SLC37A2: variants seen among roughly 807,000 people sequenced by gnomAD.
SLC37A2 encodes the protein solute carrier family 37 member 2, also known as glucose-6-phosphate exchanger SLC37A2.
A neutral mutation model predicts 70.7 loss-of-function variants in SLC37A2; 59 were observed. That is an observed-to-expected ratio of 0.83 (90% CI 0.68 to 1.04). The LOEUF (loss-of-function observed/expected upper bound fraction) is 1.04. Ranked by LOEUF, SLC37A2 falls within the 50% of genes least tolerant of loss-of-function variation. SLC37A2 has a pLI of 0.00. For synonymous variants in SLC37A2, 257 were observed against 262.1 expected (o/e 0.98, Z 0.19); for missense variants, 580 against 658.1 (o/e 0.88, Z 1.30).
intron 12 of SLC37A2, among the ~76,000 whole-genome samples, 176 bp downstream of exon 12, chr11:125,084,495 A>T (rs1949183102): frequency 6.6e-6 from 1 of 152,254 alleles, no homozygotes; most frequent in South Asian, 2.1e-4. Context: ...GCACCTTGGA[A>T]AAAGAGCCAG....
At chr11:125,068,819 G>A (rs769639311) in intron 1 of SLC37A2, among the ~76,000 whole-genome samples, 2 of 152,160 alleles carry the variant, frequency 1.3e-5, no homozygotes, top group Non-Finnish European at 2.9e-5. Flanking sequence ...ATACAGGCCA[G>A]GGTGCAGACA....
In SLC37A2 at chr11:125,080,590, T is replaced by C; in HGVS notation, c.528-24T>C. On this transcript the variant is annotated intron_variant, in intron 6 of 17. Transcript: ENST00000403796. This position sits in a 1 kb window ranked among gnomAD's most constrained non-coding sequence, Gnocchi z 4.3. The stretch of plus-strand genomic sequence containing the variant: ...CTTTGCTTTTTACTTTTTATACCTC[T>C]TCCCTTCTCTCCCTCCCTTCCAGGC... The C allele has an allele frequency of 6.9e-7, 1 of 1,454,138 alleles. No homozygotes were observed. 90.1% of individuals were successfully genotyped at this position (1,454,138 alleles called of 1,614,324 possible). A position where few individuals can be genotyped will look rare whatever the true frequency, so the allele number is the denominator to read the frequency against.
Position 125,084,235 on chromosome 11 carries a change from C to A in SLC37A2, c.1041C>A (p.Gly347=). Residue 347 remains glycine, a splice_region_variant and synonymous_variant, in exon 12 of 18, where the codon GGC becomes GGA. Coordinates refer to ENST00000403796, the MANE Select transcript of SLC37A2 (RefSeq NM_001145290.2). ...TGCGTGAGTGGCTGTGTGTTCCAGG[C>A]GGCATCGTGGCAGGGCTCGTCTCTG... ...STLFDVGGII[G]GIVAGLVSDY... The A allele has an allele frequency of 6.2e-7, 1 of 1,614,156 alleles. No homozygotes were observed. Among genetic ancestry groups the A allele is most frequent in the Non-Finnish European group, 8.5e-7 (1 of 1,180,012 alleles).
rs757778527 is a variant in SLC37A2, at chr11:125,083,837, T to G, written c.999T>G (p.Ala333=). The G allele has an allele frequency of 1.2e-6, 2 of 1,614,166 alleles. No homozygotes were observed. Among genetic ancestry groups the G allele is most frequent in the Non-Finnish European group, 1.7e-6 (2 of 1,180,012 alleles). Residue 333 remains alanine (A), a synonymous_variant, in exon 11 of 18, where the codon GCT becomes GCG. Coordinates refer to ENST00000403796, the MANE Select transcript of SLC37A2 (RefSeq NM_001145290.2). The surrounding 1 kb of genome is among the most constrained non-coding windows in gnomAD (Gnocchi z 4.6). ...ANVAHFSAKE[A]GDLSTLFDVG... ...CAGCTCACTTTAGTGCCAAGGAGGC[T>G]GGGGACCTGTCTACACTCTTCGATG... is the stretch of plus-strand genomic sequence containing the variant.
At chr11:125,079,357 C>G (rs1949123918) in intron 5 of SLC37A2, 110 bp downstream of exon 5, 1 of 1,374,994 alleles carries the variant, frequency 7.3e-7, no homozygotes, top group Admixed American at 1.7e-5. Context: ...CTGTCCAGTG[C>G]TCTCTATTAC....
Position 125,083,181 on chromosome 11 carries a change from C to T in SLC37A2, c.977-634C>T, listed in dbSNP as rs1225809232. The T allele has an allele frequency of 6.6e-6, 1 of 152,540 alleles. No homozygotes were observed. The highest frequency in any genetic ancestry group is 1.5e-5 in the Non-Finnish European group (1 of 68,330). The allele number at this position is 152,540 out of a possible 1,614,324, so 9.4% of individuals were successfully genotyped here. ...TGGCCAAGTTCAAGCCATAGCTTGC[C>T]CCGCAGCTCTGTCGGGGCCTCTCTC... On this transcript the variant is annotated intron_variant, in intron 10 of 17. Coordinates refer to ENST00000403796, the MANE Select transcript of SLC37A2 (RefSeq NM_001145290.2). The surrounding 1 kb of genome is among the most constrained non-coding windows in gnomAD (Gnocchi z 4.6).
At chr11:125,072,516 C>T (rs774894971) in intron 1 of SLC37A2, among the ~76,000 whole-genome samples, 67 of 152,236 alleles carry the variant, frequency 4.4e-4, no homozygotes, top group Admixed American at 4.6e-4. Context: ...GGCCCAGCCC[C>T]TGGGCTGCCA....
At position 125,080,929 on chromosome 11, in the gene SLC37A2, C is replaced by A. The variant is rs2135572408; in HGVS notation, c.694+149C>A. On this transcript the variant is annotated intron_variant, in intron 7 of 17. Transcript: ENST00000403796. This position sits in a 1 kb window ranked among gnomAD's most constrained non-coding sequence, Gnocchi z 4.3. ...CAATCTTTCAGAGCCTTTATTTTCT[C>A]ATTTGTAAAATAATAATAGTAATAA... The A allele has an allele frequency of 3.7e-6, 2 of 545,242 alleles. No homozygotes were observed. The highest frequency in any genetic ancestry group is 3.5e-5 in the East Asian group (1 of 28,778). 33.8% of individuals were successfully genotyped at this position (545,242 alleles called of 1,614,324 possible).
At position 125,082,238 on chromosome 11, in the gene SLC37A2, C is replaced by A. The variant is rs762489825; in HGVS notation, c.886-6C>A. On this transcript the variant is annotated splice_region_variant and splice_polypyrimidine_tract_variant and intron_variant, in intron 9 of 17. Transcript: ENST00000403796. ...CTTCCCATGTGCCCCCTGTTGCACTCCCCAGGGCGTGGTCGAGTTCTCTCT... is the reference window on the plus strand; with the variant it reads ...CTTCCCATGTGCCCCCTGTTGCACTACCCAGGGCGTGGTCGAGTTCTCTCT... 1.2e-6 allele frequency: 2 copies of A among 1,613,860 alleles called. No homozygotes were observed. The highest frequency in any genetic ancestry group is 2.2e-5 in the South Asian group (2 of 91,074).
intron 1 of SLC37A2, among the ~76,000 whole-genome samples, chr11:125,076,187 A>G (rs1217328036): frequency 6.6e-6 from 1 of 152,072 alleles, no homozygotes; most frequent in South Asian, 2.1e-4. Context: ...AGTGGGATGG[A>G]CGGACTGGGA....
At chr11:125,085,543 A>G (rs1174608776) in intron 15 of SLC37A2, 34 bp from the exon 16 acceptor site, 10 of 1,613,454 alleles carry the variant, frequency 6.2e-6, no homozygotes, top group Non-Finnish European at 7.6e-6. Context: ...GGGGAGGTGC[A>G]GGACCCCTGC....
At chr11:125,086,373 A>G (rs1949215671) in intron 17 of SLC37A2, 4 of 876,284 alleles carry the variant, frequency 4.6e-6, no homozygotes, top group Non-Finnish European at 5.8e-6. Context: ...CTTGTGGGCC[A>G]GTTGTAAAGA....
intron 1 of SLC37A2, among the ~76,000 whole-genome samples, chr11:125,064,976 A>G (rs904693101): frequency 6.6e-6 from 1 of 152,258 alleles, no homozygotes; most frequent in Non-Finnish European, 1.5e-5. Context: ...AATTTTAAAA[A>G]GAGAATCTAA....
At chr11:125,087,633 CT>C (rs201240101) in intron 17 of SLC37A2, 14,499 of 140,778 alleles carry the variant, frequency 0.1, 656 homozygotes, top group African/African-American at 0.14. Context: ...TATTTAATTT[CT>C]TTTTTTTTTT....
Position 125,081,463 on chromosome 11 carries a change from G to C in SLC37A2, c.732+5G>C, listed in dbSNP as rs769972333. The C allele has an allele frequency of 2.5e-6, 4 of 1,609,714 alleles. No individual in the cohort carries two copies. The highest frequency in any genetic ancestry group is 3.4e-6 in the Non-Finnish European group (4 of 1,177,484). On this transcript the variant is annotated splice_donor_5th_base_variant and intron_variant, in intron 8 of 17. Transcript: ENST00000403796. ...TGCGCCCCTCCTCAGCACCACGTGA[G>C]TGTGAGCCCTCCCAGCCCTATCCCT...
rs550066110 is a variant in SLC37A2 at position 125,077,084 on chromosome 11, C to G, written c.142-146C>G. The stretch of plus-strand genomic sequence containing the variant: ...CATGGGTCTGATGTGGCTGCTTTCC[C>G]CTGCAGCCAGTTCCTGCAGGAGGAG... On this transcript the variant is annotated intron_variant, in intron 2 of 17. Transcript: ENST00000403796. 16 of 768,888 alleles carry G rather than the reference C, an allele frequency of 2.1e-5. No individual in the cohort carries two copies. In the African/African-American group the frequency reaches 2.8e-4, roughly 13 times the overall value. 47.6% of individuals were successfully genotyped at this position (768,888 alleles called of 1,614,324 possible). A position where few individuals can be genotyped will look rare whatever the true frequency, so the allele number is the denominator to read the frequency against.
chr11:125,076,695 C>T (rs1431772321), intron 1 of SLC37A2, 62 bp from the exon 2 acceptor site: 22 of 1,515,628 alleles, frequency 1.5e-5, no homozygotes, highest in Middle Eastern at 1.7e-4. Context: ...TCAGGGATGC[C>T]GGCCCAGAAC....
At chr11:125,078,691 G>T (rs1172134686) in intron 4 of SLC37A2, among the ~76,000 whole-genome samples, 1 of 152,120 alleles carries the variant, frequency 6.6e-6, no homozygotes, top group Non-Finnish European at 1.5e-5. Context: ...AGAGCACTGG[G>T]TTTATTTAAA....
intron 1 of SLC37A2, among the ~76,000 whole-genome samples, chr11:125,066,959 G>A (rs1384616182): frequency 1.4e-5 from 2 of 144,488 alleles, no homozygotes; most frequent in African/African-American, 5.5e-5. Context: ...TTGCAGCCTA[G>A]TAACTATTTT....
Sources: allele counts gnomAD v4.1 joint callset (sites outside exome capture counted in the v4.1 genomes callset), GRCh38; gene constraint gnomAD v4.1.1; non-coding constraint Gnocchi (gnomAD v3.1); transcripts MANE v1.5; gene names NCBI Gene and HGNC (gene_info 2026-07-23, HGNC 2026-07-21).